Variants in LDLRAD2 observed in about 807,000 individuals in gnomAD.
The protein encoded by LDLRAD2 is low-density lipoprotein receptor class A domain-containing protein 2.
Under a neutral mutation model 24.9 loss-of-function variants are expected in LDLRAD2, and 25 were observed. The ratio of observed to expected loss-of-function variants is 1.00; its 90% CI spans 0.73 to 1.40. The LOEUF (loss-of-function observed/expected upper bound fraction) is 1.40, where lower values mean the gene tolerates loss of function less well. LDLRAD2 is among the 40% of genes most tolerant of loss of function. LDLRAD2 has a pLI of 0.00. For missense variants in LDLRAD2, 391 were observed against 366.2 expected (o/e 1.07, Z -0.55); for synonymous variants, 182 against 166.7 (o/e 1.09, Z -0.71).
At chr1:21,819,111 C>G (rs1282143724) in intron 3 of LDLRAD2, among the ~76,000 whole-genome samples, 1 of 152,006 alleles carries the variant, frequency 6.6e-6, no homozygotes, top group Admixed American at 6.6e-5. Context: ...CGGTGGCTCA[C>G]GCCTGTAATC....
At chr1:21,820,841 T>G (rs1478451237) in intron 3 of LDLRAD2, among the ~76,000 whole-genome samples, 1 of 152,236 alleles carries the variant, frequency 6.6e-6, no homozygotes, top group Non-Finnish European at 1.5e-5. Context: ...TCAGAGTTGT[T>G]GTAAACTGTG....
At position 21,824,609 on chromosome 1, in the gene LDLRAD2, G is replaced by T. The variant is rs762283434; in HGVS notation, c.*2394G>T. On this transcript the variant is annotated 3_prime_UTR_variant, in exon 5 of 5. Transcript: ENST00000344642. The surrounding 1 kb of genome is among the most constrained non-coding windows in gnomAD (Gnocchi z 5.9). ...CCAGCTCGATGGTCTCGGGCACCTC[G>T]GGCAGGCTGCGGAGGAAGAGCGGGT... The T allele has an allele frequency of 6.2e-7, 1 of 1,613,922 alleles. No homozygotes were observed. Among genetic ancestry groups the T allele is most frequent in the African/African-American group, 1.3e-5 (1 of 74,932 alleles).
chr1:21,823,705 C>A lies in LDLRAD2; in HGVS notation c.*1490C>A, dbSNP rs1282853706. 1 of 1,613,452 alleles carries A rather than the reference C, an allele frequency of 6.2e-7. No homozygotes were observed. Among genetic ancestry groups the A allele is most frequent in the South Asian group, 1.1e-5 (1 of 91,086 alleles). On this transcript the variant is annotated 3_prime_UTR_variant, in exon 5 of 5. Coordinates refer to ENST00000344642, the MANE Select transcript of LDLRAD2 (RefSeq NM_001013693.3). ...CTCCTCACCGTCGACTTGGATGGAA[C>A]CTCTGCGGCCCTCCCTGCAGTGGAA... is the stretch of plus-strand genomic sequence containing the variant.
rs1329078408 is a variant in LDLRAD2, at chr1:21,823,236, CATA to C, written c.*1028_*1030del. ...ATCGCCTCGGTTTCTTACAAAAATTCATAATAATATTAATAATAATATACTCGA... is the reference window on the plus strand; with the variant it reads ...ATCGCCTCGGTTTCTTACAAAAATTCATAATATTAATAATAATATACTCGA... On this transcript the variant is annotated 3_prime_UTR_variant, in exon 5 of 5. Transcript: ENST00000344642. The C allele has an allele frequency of 6.3e-6, 8 of 1,278,778 alleles. No individual in the cohort carries two copies. The highest frequency in any genetic ancestry group is 5.4e-5 in the East Asian group (2 of 37,262). The allele number at this position is 1,278,778 out of a possible 1,614,324, so 79.2% of individuals were successfully genotyped here. A position where few individuals can be genotyped will look rare whatever the true frequency, so the allele number is the denominator to read the frequency against.
Position 21,824,073 on chromosome 1 carries a change from A to G in LDLRAD2, c.*1858A>G. 1 of 1,531,888 alleles carries G rather than the reference A, an allele frequency of 6.5e-7. No homozygotes were observed. Among genetic ancestry groups the G allele is most frequent in the Middle Eastern group, 2.2e-4 (1 of 4,568 alleles). The allele number at this position is 1,531,888 out of a possible 1,614,324, so 94.9% of individuals were successfully genotyped here. On this transcript the variant is annotated 3_prime_UTR_variant, in exon 5 of 5. Coordinates refer to ENST00000344642, the MANE Select transcript of LDLRAD2 (RefSeq NM_001013693.3). This position sits in a 1 kb window ranked among gnomAD's most constrained non-coding sequence, Gnocchi z 5.9. ...CCCATGGTAGGGGGCGTCCTGCCCCACTCCAGAACGCTGGGCCCCATCCCG... is the reference window on the plus strand; with the variant it reads ...CCCATGGTAGGGGGCGTCCTGCCCCGCTCCAGAACGCTGGGCCCCATCCCG...
rs750780384 is a variant in LDLRAD2 at position 21,823,355 on chromosome 1, G to A, written c.*1140G>A. On this transcript the variant is annotated 3_prime_UTR_variant, in exon 5 of 5. Coordinates refer to ENST00000344642, the MANE Select transcript of LDLRAD2 (RefSeq NM_001013693.3). ...GGCGTGTGTTGGCCCCGGCCTGGGC[G>A]CGGTGCTGCAGGTCCAGGGGCTGTG... 35 of 1,544,868 alleles carry A rather than the reference G, an allele frequency of 2.3e-5. No homozygotes were observed. Among genetic ancestry groups the A allele is most frequent in the Middle Eastern group, 1.7e-4 (1 of 5,914 alleles).
chr1:21,814,871 C>T (rs768107003), intron 2 of LDLRAD2, 48 bp downstream of exon 2: 3 of 1,421,446 alleles, frequency 2.1e-6, no homozygotes, highest in East Asian at 2.6e-5. Flanking sequence ...AGAGGCCATG[C>T]GGGACTGGGG....
At chr1:21,815,791 C>T (rs992834574) in intron 2 of LDLRAD2, 152 bp from the exon 3 acceptor site, 3 of 852,774 alleles carry the variant, frequency 3.5e-6, no homozygotes, top group Non-Finnish European at 5.4e-6. Flanking sequence ...CACCCTCCTC[C>T]CCATGAAACA....
At chr1:21,820,507 A>G (rs113786554) in intron 3 of LDLRAD2, among the ~76,000 whole-genome samples, 18,714 of 137,332 alleles carry the variant, frequency 0.14, 1,452 homozygotes, top group African/African-American at 0.25. Context: ...TGGGCGACAG[A>G]GCGAGACTCC....
In LDLRAD2 at chr1:21,814,580, A is replaced by T. The variant is rs1237780704; in HGVS notation, c.268A>T (p.Thr90Ser). The T allele has an allele frequency of 4.3e-6, 7 of 1,609,616 alleles. No homozygotes were observed. The highest frequency in any genetic ancestry group is 5.1e-6 in the Non-Finnish European group (6 of 1,178,738). ...CCGCTTCTTCCTGGTCTACAGCCTG[A>T]CCCCCGCGCCCCCGGCGCTCAACAC... is the stretch of plus-strand genomic sequence containing the variant. ...QFRFFLVYSL[T>S]PAPPALNTSS... Residue 90 changes from threonine to serine, a missense_variant, in exon 2 of 5, where the codon ACC (threonine) becomes TCC (serine). Transcript: ENST00000344642.
At chr1:21,819,297 C>T (rs1353991727) in intron 3 of LDLRAD2, among the ~76,000 whole-genome samples, 4 of 151,720 alleles carry the variant, frequency 2.6e-5, no homozygotes, top group African/African-American at 4.8e-5. Context: ...CACTTGAACC[C>T]GGGAGGCATA....
rs1412786613 is a variant in LDLRAD2, at chr1:21,821,525, T to C, written c.719T>C (p.Leu240Pro). ...AGATCCCTGACTCCCTCCCCAGCTC[T>C]CGGGTCTGCAGGATCCCTCTGGATT... ...TSRSLTPSPALGSAGSLWIAA... is the reference protein window; with the variant it reads ...TSRSLTPSPAPGSAGSLWIAA... Residue 240 changes from leucine (L) to proline (P), a missense_variant, in exon 4 of 5, where the codon CTC (leucine) becomes CCC (proline). Coordinates refer to ENST00000344642, the MANE Select transcript of LDLRAD2 (RefSeq NM_001013693.3). 1 of 1,613,946 alleles carries C rather than the reference T, an allele frequency of 6.2e-7. No homozygotes were observed. Among genetic ancestry groups the C allele is most frequent in the Non-Finnish European group, 8.5e-7 (1 of 1,180,004 alleles).
rs980250761 is a variant in LDLRAD2, at chr1:21,814,539, G to A, written c.227G>A (p.Arg76Gln). ...LWVQAAAPGDRIRFQFRFFLV... is the reference protein window; with the variant it reads ...LWVQAAAPGDQIRFQFRFFLV... ...GTGCAGGCGGCAGCCCCCGGCGACCGGATCCGCTTCCAGTTCCGCTTCTTC... is the reference window on the plus strand; with the variant it reads ...GTGCAGGCGGCAGCCCCCGGCGACCAGATCCGCTTCCAGTTCCGCTTCTTC... The change falls in exon 2 of 5, where the codon CGG becomes CAG. Residue 76 changes from arginine to glutamine, a missense_variant. Coordinates refer to ENST00000344642, the MANE Select transcript of LDLRAD2 (RefSeq NM_001013693.3). 3 of 1,612,284 alleles carry A rather than the reference G, an allele frequency of 1.9e-6. No individual in the cohort carries two copies. In the African/African-American group the frequency reaches 4.0e-5, roughly 22 times the overall value.
In LDLRAD2 at chr1:21,812,640, C is replaced by T. The variant is rs547835372; in HGVS notation, c.85+104C>T. ...AGCACTCATCCTGCTGGGCTGAGAC[C>T]TTTTGAGCTGGGGGAGGCTGGGAAA... On this transcript the variant is annotated intron_variant, in intron 1 of 4. Coordinates refer to ENST00000344642, the MANE Select transcript of LDLRAD2 (RefSeq NM_001013693.3). 3.2e-6 allele frequency: 3 copies of T among 950,616 alleles called. No homozygotes were observed. The Admixed American group carries it at 6.5e-5, about 21-fold the overall frequency. The allele number at this position is 950,616 out of a possible 1,614,324, so 58.9% of individuals were successfully genotyped here. A position where few individuals can be genotyped will look rare whatever the true frequency, so the allele number is the denominator to read the frequency against.
Position 21,812,669 on chromosome 1 carries a change from T to C in LDLRAD2, c.85+133T>C, listed in dbSNP as rs1572106285. 4.0e-5 allele frequency: 29 copies of C among 721,934 alleles called. No homozygotes were observed. The East Asian group carries it at 8.2e-4, about 20-fold the overall frequency. 44.7% of individuals were successfully genotyped at this position (721,934 alleles called of 1,614,324 possible). A position where few individuals can be genotyped will look rare whatever the true frequency, so the allele number is the denominator to read the frequency against. ...TGAGCTGGGGGAGGCTGGGAAACTG[T>C]GTCTGGTCTTGCTTGGCATCCCCAA... On this transcript the variant is annotated intron_variant, in intron 1 of 4. Coordinates refer to ENST00000344642, the MANE Select transcript of LDLRAD2 (RefSeq NM_001013693.3).
intron 1 of LDLRAD2, among the ~76,000 whole-genome samples, chr1:21,813,709 G>T (rs920177596): frequency 6.6e-6 from 1 of 152,192 alleles, no homozygotes; most frequent in Non-Finnish European, 1.5e-5. Flanking sequence ...TGATTCCAGA[G>T]ATGGTTAACT....
chr1:21,819,322 G>T (rs895690217), intron 3 of LDLRAD2, among the ~76,000 whole-genome samples: 1 of 151,910 alleles, frequency 6.6e-6, no homozygotes, highest in African/African-American at 2.4e-5. Context: ...GCGGTGAGCC[G>T]AGATCGCACG....
At position 21,823,395 on chromosome 1, in the gene LDLRAD2, G is replaced by A. The variant is rs1370439859; in HGVS notation, c.*1180G>A. 8.3e-6 allele frequency: 13 copies of A among 1,563,798 alleles called. No homozygotes were observed. Among genetic ancestry groups the A allele is most frequent in the Non-Finnish European group, 1.1e-5 (13 of 1,159,438 alleles). Reference sequence around the variant, plus strand: ...CAGGGGCTGTGGGGGCGGGGCGCCGGGTCGGGCCGAGTGCAGCACCAGGTT... The same window carrying A: ...CAGGGGCTGTGGGGGCGGGGCGCCGAGTCGGGCCGAGTGCAGCACCAGGTT... On this transcript the variant is annotated 3_prime_UTR_variant, in exon 5 of 5. Transcript: ENST00000344642.
chr1:21,814,611 C>A lies in LDLRAD2; in HGVS notation c.299C>A (p.Ser100Tyr), dbSNP rs753946703. The A allele has an allele frequency of 6.2e-7, 1 of 1,610,308 alleles. No homozygotes were observed. The highest frequency in any genetic ancestry group is 8.5e-7 in the Non-Finnish European group (1 of 1,178,516). Residue 100 changes from serine (S) to tyrosine (Y), a missense_variant, in exon 2 of 5, where the codon TCC (serine) becomes TAC (tyrosine). Physicochemically the swap from Ser to Tyr is moderately radical, Grantham distance 144. Coordinates refer to ENST00000344642, the MANE Select transcript of LDLRAD2 (RefSeq NM_001013693.3). ...TPAPPALNTS[S>Y]PAPADPCAPG... ...GCGCCCCCGGCGCTCAACACCTCCT[C>A]CCCGGCCCCGGCCGACCCGTGCGCC...
Sources: gnomAD v4.1 joint callset for allele counts (sites outside exome capture counted in the v4.1 genomes callset) on GRCh38, gnomAD v4.1.1 for gene constraint, Gnocchi (gnomAD v3.1) non-coding constraint, MANE v1.5 for transcripts, NCBI Gene and HGNC (gene_info 2026-07-23, HGNC 2026-07-21) for gene names.